Variants in DLGAP1 observed in about 807,000 individuals in gnomAD.
DLGAP1 encodes DLG associated protein 1.
In DLGAP1, 11 loss-of-function variants were observed where a neutral mutation model predicts 90.8. The observed-to-expected ratio is 0.12, with a 90% CI of 0.08 to 0.20. The LOEUF (loss-of-function observed/expected upper bound fraction) is 0.20, where lower values mean the gene tolerates loss of function less well. Ranked by LOEUF, DLGAP1 falls within the 10% of genes least tolerant of loss-of-function variation. The pLI is 1.00. For synonymous variants in DLGAP1, 558 were observed against 540.7 expected (o/e 1.03, Z -0.44); for missense variants, 1,050 against 1,333.8 (o/e 0.79, Z 3.31).
chr18:4,114,322 G>A (rs2076025395), intron 2 of DLGAP1, among the ~76,000 whole-genome samples: 1 of 151,780 alleles, frequency 6.6e-6, no homozygotes, highest in South Asian at 2.1e-4. Flanking sequence ...TCACCTCCTT[G>A]GTTAGCTGTA....
rs117838077 is a variant in DLGAP1 at position 3,647,841 on chromosome 18, G to A, written c.1592-65593C>T. Among the ~76,000 whole-genome samples the A allele has an allele frequency of 4.2e-3, 643 of 152,270 alleles. 1 individual carries two copies. The highest frequency in any genetic ancestry group is 5.8e-3 in the Non-Finnish European group (396 of 68,014). ...CAGATGAGGAAAGTGTGGTACAGAC[G>A]GAGTAACTTGCTCCAGATTACAACA... is the stretch of plus-strand genomic sequence containing the variant. On this transcript the variant is annotated intron_variant, in intron 7 of 12. Transcript: ENST00000315677.
At chr18:3,677,572 C>CA (rs558276464) in intron 7 of DLGAP1, among the ~76,000 whole-genome samples, 63 of 152,378 alleles carry the variant, frequency 4.1e-4, no homozygotes, top group African/African-American at 1.5e-3. Context: ...GCTAAATAGA[C>CA]AGAGATCCAT....
At chr18:4,157,499 TG>T (rs1260643709) in intron 1 of DLGAP1, among the ~76,000 whole-genome samples, 1 of 152,208 alleles carries the variant, frequency 6.6e-6, no homozygotes, top group Non-Finnish European at 1.5e-5. Context: ...TCCTCATTTG[TG>T]TATAAGAGAT....
At chr18:3,736,988 A>AAC (rs2062669251) in intron 6 of DLGAP1, among the ~76,000 whole-genome samples, 1 of 149,136 alleles carries the variant, frequency 6.7e-6, no homozygotes, top group Admixed American at 6.7e-5. Flanking sequence ...GAATACTACA[A>AAC]ACACCTCTAC....
intron 2 of DLGAP1, among the ~76,000 whole-genome samples, chr18:4,045,504 C>T (rs1000930039): frequency 2.0e-4 from 25 of 124,510 alleles, no homozygotes; most frequent in African/African-American, 2.7e-4. Flanking sequence ...GAGGGTGAGG[C>T]GGACGGATCG....
chr18:4,331,367 A>G (rs1428576620), intron 1 of DLGAP1, among the ~76,000 whole-genome samples: 3 of 151,738 alleles, frequency 2.0e-5, no homozygotes, highest in Non-Finnish European at 4.4e-5. Flanking sequence ...CTTTTCTCCT[A>G]CCCATCAAGG....
chr18:4,123,565 A>G (rs2076186779), intron 2 of DLGAP1, among the ~76,000 whole-genome samples: 1 of 152,230 alleles, frequency 6.6e-6, no homozygotes, highest in Non-Finnish European at 1.5e-5. Context: ...ATGACCCTAC[A>G]TGCCCAGCTG....
intron 1 of DLGAP1, among the ~76,000 whole-genome samples, chr18:4,353,642 C>G (rs2081444710): frequency 6.6e-6 from 1 of 151,858 alleles, no homozygotes; most frequent in Non-Finnish European, 1.5e-5. Flanking sequence ...CGTCTTAAAA[C>G]CGTGAAACTA....
chr18:3,817,703 A>G (rs3850804), intron 4 of DLGAP1, among the ~76,000 whole-genome samples: 115,744 of 152,104 alleles, frequency 0.76, 44,298 homozygotes, highest in African/African-American at 0.83. Context: ...ATATAAAGTG[A>G]TAAGCATACC....
intron 1 of DLGAP1, among the ~76,000 whole-genome samples, chr18:4,210,943 C>T (rs1333264386): frequency 1.3e-5 from 2 of 152,150 alleles, no homozygotes; most frequent in Non-Finnish European, 2.9e-5. Flanking sequence ...ATTCCTGTCT[C>T]CTGACCTTGA....
intron 1 of DLGAP1, among the ~76,000 whole-genome samples, chr18:4,238,383 T>C (rs2078462408): frequency 6.6e-6 from 1 of 152,166 alleles, no homozygotes; most frequent in African/African-American, 2.4e-5. Context: ...GTTACTTAGA[T>C]CATCAGAAAG....
chr18:3,579,255 G>A (rs574296955), intron 8 of DLGAP1, among the ~76,000 whole-genome samples: 20 of 152,314 alleles, frequency 1.3e-4, no homozygotes, highest in Non-Finnish European at 2.5e-4. Context: ...TTGTTGCCCC[G>A]ACTTGTGTGC....
intron 3 of DLGAP1, among the ~76,000 whole-genome samples, chr18:3,930,950 G>A (rs1246426871): frequency 2.0e-5 from 3 of 152,168 alleles, no homozygotes; most frequent in Non-Finnish European, 2.9e-5. Flanking sequence ...TGGCTCCTAT[G>A]TTGGCATCTG....
chr18:4,174,275 C>A (rs1425323889), intron 1 of DLGAP1, among the ~76,000 whole-genome samples: 3 of 152,238 alleles, frequency 2.0e-5, no homozygotes, highest in African/African-American at 7.2e-5. Context: ...GGGGATAACA[C>A]CTGCCCTGAG....
chr18:3,923,248 T>C (rs1335628394), intron 3 of DLGAP1, among the ~76,000 whole-genome samples: 13 of 151,898 alleles, frequency 8.6e-5, no homozygotes, highest in Non-Finnish European at 2.9e-5. Context: ...TTACCAGTCC[T>C]GGGTATAATA....
In DLGAP1 at chr18:4,454,661, G is replaced by A. The variant is rs543999737; in HGVS notation, c.-267+345C>T. 2.4e-4 allele frequency among the ~76,000 whole-genome samples: 37 copies of A among 152,162 alleles called. 1 individual carries two copies. Among genetic ancestry groups the A allele is most frequent in the African/African-American group, 8.7e-4 (36 of 41,556 alleles). ...TTGACCGGTGGACATGACCGGGACA[G>A]GGGACCGGTGTTCTCCTCCCCTCCC... is the stretch of plus-strand genomic sequence containing the variant. On this transcript the variant is annotated intron_variant, in intron 1 of 12. Transcript: ENST00000315677. The surrounding 1 kb of genome is among the most constrained non-coding windows in gnomAD (Gnocchi z 4.7).
intron 7 of DLGAP1, among the ~76,000 whole-genome samples, chr18:3,589,327 TA>T (rs1214620827): frequency 3.3e-5 from 5 of 152,240 alleles, no homozygotes; most frequent in Non-Finnish European, 7.3e-5. Context: ...CCTTCAAGTT[TA>T]ACAGCACACA....
chr18:3,783,870 C>A (rs1026916857), intron 5 of DLGAP1, among the ~76,000 whole-genome samples: 1 of 152,124 alleles, frequency 6.6e-6, no homozygotes, highest in Admixed American at 6.5e-5. Context: ...GATGCCACAG[C>A]GATTTCGAGA....
intron 1 of DLGAP1, among the ~76,000 whole-genome samples, chr18:4,260,696 GTCCC>G: frequency 6.6e-6 from 1 of 151,984 alleles, no homozygotes; most frequent in African/African-American, 2.4e-5. Flanking sequence ...ATGATGCTTT[GTCCC>G]AAGATCCAAA....
Sources: allele counts gnomAD v4.1 joint callset (sites outside exome capture counted in the v4.1 genomes callset), GRCh38; gene constraint gnomAD v4.1.1; non-coding constraint Gnocchi (gnomAD v3.1); transcripts MANE v1.5; gene names NCBI Gene and HGNC (gene_info 2026-07-23, HGNC 2026-07-21).